The following KDM8 variants were observed in gnomAD, a reference collection of about 807,000 sequenced individuals.
KDM8 encodes lysine demethylase 8, also known as bifunctional peptidase and arginyl-hydroxylase JMJD5.
Under a neutral mutation model 46.9 loss-of-function variants are expected in KDM8, and 35 were observed. That is an observed-to-expected ratio of 0.75 (90% CI 0.57 to 0.99). The LOEUF is 0.99. Among genes scored for constraint, KDM8 ranks in the 50% least tolerant of loss-of-function variants. The pLI is 0.00. For synonymous variants in KDM8, 232 were observed against 227.7 expected, an observed-to-expected ratio of 1.02 and a Z score of -0.17; for missense variants, 475 against 537.0, an observed-to-expected ratio of 0.88 and a Z score of 1.14.
intron 5 of KDM8, among the ~76,000 whole-genome samples, chr16:27,217,114 C>T (rs538777131): frequency 5.8e-4 from 88 of 152,264 alleles, no homozygotes; most frequent in Middle Eastern, 3.4e-3. Context: ...GTGGAGAGGA[C>T]CCTGGAGAAG....
intron 1 of KDM8, among the ~76,000 whole-genome samples, chr16:27,208,115 T>C (rs970943753): frequency 9.9e-5 from 15 of 152,236 alleles, no homozygotes; most frequent in Non-Finnish European, 1.9e-4. Context: ...CAAGAGCAGA[T>C]AGTTTTGTAC....
intron 1 of KDM8, among the ~76,000 whole-genome samples, chr16:27,205,568 G>A (rs918095150): frequency 1.3e-5 from 2 of 152,100 alleles, no homozygotes; most frequent in South Asian, 2.1e-4. Context: ...TGGGCCGGGC[G>A]TGGCGGCTCA....
At chr16:27,206,123 C>A in intron 1 of KDM8, 2 of 512,854 alleles carry the variant, frequency 3.9e-6, no homozygotes, top group Non-Finnish European at 5.0e-6. Flanking sequence ...TTATGTAGAG[C>A]TCTCGAAGGC....
chr16:27,203,865 C>T (rs1405662841), intron 1 of KDM8: 5 of 441,130 alleles, frequency 1.1e-5, no homozygotes, highest in African/African-American at 4.1e-5. Context: ...AGGTTCCGCG[C>T]GTGCGTATGC....
chr16:27,220,767 G>T lies in KDM8; in HGVS notation c.*37G>T. ...GCTGAAAGGGCCTGACATGCAGACA[G>T]CATTCATCTGTTCACTAATTTCCTG... On this transcript the variant is annotated 3_prime_UTR_variant, in exon 8 of 8. Transcript: ENST00000286096. The T allele has an allele frequency of 1.2e-6, 2 of 1,607,952 alleles. No individual in the cohort carries two copies. Among genetic ancestry groups the T allele is most frequent in the South Asian group, 2.2e-5 (2 of 90,932 alleles).
In KDM8 at chr16:27,213,671, C is replaced by G; in HGVS notation, c.585C>G (p.Phe195Leu). 6.2e-7 allele frequency: 1 copy of G among 1,614,186 alleles called. No individual in the cohort carries two copies. The highest frequency in any genetic ancestry group is 8.5e-7 in the Non-Finnish European group (1 of 1,180,024). Reference sequence around the variant, plus strand: ...TGCACCGTCCGTCCCTCCAGCATTTCAGGGAGCAGTTTTTGGTTCCAGGGA... The same window carrying G: ...TGCACCGTCCGTCCCTCCAGCATTTGAGGGAGCAGTTTTTGGTTCCAGGGA... ...PRLHRPSLQH[F>L]REQFLVPGRP... Residue 195 changes from phenylalanine (F) to leucine (L), a missense_variant, in exon 3 of 8, where the codon TTC becomes TTG. Transcript: ENST00000286096.
At chr16:27,204,385 A>G in intron 1 of KDM8, 1 of 1,260,018 alleles carries the variant, frequency 7.9e-7, no homozygotes, top group South Asian at 2.4e-5. Context: ...TGTGCCCCTT[A>G]GAGAGCCAAA....
At position 27,214,944 on chromosome 16, in the gene KDM8, A is replaced by ATGAG; in HGVS notation, c.735_738dup (p.Glu247Ter). 1 of 1,614,216 alleles carries ATGAG rather than the reference A, an allele frequency of 6.2e-7. No homozygotes were observed. Among genetic ancestry groups the ATGAG allele is most frequent in the Non-Finnish European group, 8.5e-7 (1 of 1,180,026 alleles). ...GTGGAAGTTGGTTCGAGGTACACAG[A>ATGAG]TGAGGAATGGTCCCAGACCCTCATG... On this transcript the variant is annotated frameshift_variant, in exon 4 of 8. Transcript: ENST00000286096. LOFTEE classifies it high-confidence loss of function.
intron 1 of KDM8, chr16:27,203,861 C>A: frequency 2.3e-6 from 1 of 440,720 alleles, no homozygotes; most frequent in Non-Finnish European, 4.1e-6. Context: ...GGAAAGGTTC[C>A]GCGCGTGCGT....
intron 1 of KDM8, chr16:27,204,096 A>G (rs2083404444): frequency 6.5e-7 from 1 of 1,547,736 alleles, no homozygotes; most frequent in South Asian, 1.2e-5. Flanking sequence ...CCCAAATATG[A>G]GCCGCGAGAA....
At position 27,210,122 on chromosome 16, in the gene KDM8, C is replaced by T. The variant is rs759040715; in HGVS notation, c.-2C>T. 1.7e-5 allele frequency: 28 copies of T among 1,610,652 alleles called. No individual in the cohort carries two copies. The highest frequency in any genetic ancestry group is 3.3e-5 in the South Asian group (3 of 90,856). ...GGGACTGAACCAGCTGGTGGTGGCC[C>T]GATGGCTGGAGACACCCACTGCCCC... On this transcript the variant is annotated 5_prime_UTR_variant, in exon 2 of 8. Coordinates refer to ENST00000286096, the MANE Select transcript of KDM8 (RefSeq NM_024773.3).
At chr16:27,208,848 C>A (rs1167369127) in intron 1 of KDM8, among the ~76,000 whole-genome samples, 1 of 152,186 alleles carries the variant, frequency 6.6e-6, no homozygotes, top group East Asian at 1.9e-4. Flanking sequence ...ATAGAACCCA[C>A]CCTGGCAGGC....
At position 27,219,020 on chromosome 16, in the gene KDM8, G is replaced by A. The variant is rs549622164; in HGVS notation, c.903G>A (p.Glu301=). Residue 301 remains glutamate (E), a synonymous_variant, in exon 6 of 8, where the codon GAG becomes GAA. Transcript: ENST00000286096. ...IPDYCSLGDG[E]EEEITINAWF... ...ACTACTGCAGCCTGGGCGATGGGGA[G>A]GAGGAGGAAATCACCATCAATGCCT... is the stretch of plus-strand genomic sequence containing the variant. The A allele has an allele frequency of 6.2e-7, 1 of 1,614,028 alleles. No individual in the cohort carries two copies. The highest frequency in any genetic ancestry group is 1.3e-5 in the African/African-American group (1 of 75,020).
At chr16:27,203,943 A>G (rs1024525008) in intron 1 of KDM8, 1 of 586,392 alleles carries the variant, frequency 1.7e-6, no homozygotes, top group Non-Finnish European at 2.9e-6. Context: ...TGTGCGCTTT[A>G]GCGGTTCTTG....
At chr16:27,219,771 C>A (rs1306505972) in intron 6 of KDM8, among the ~76,000 whole-genome samples, 1 of 152,192 alleles carries the variant, frequency 6.6e-6, no homozygotes, top group Admixed American at 6.5e-5. Flanking sequence ...AGTTTCCTCA[C>A]CTGCAAAATG....
At chr16:27,211,115 TTC>T (rs761343368) in intron 2 of KDM8, 162 of 452,068 alleles carry the variant, frequency 3.6e-4, no homozygotes, top group African/African-American at 2.7e-3. Flanking sequence ...TCCATTCATT[TTC>T]TCTCTTTTTT....
intron 5 of KDM8, among the ~76,000 whole-genome samples, chr16:27,216,503 C>T (rs866674055): frequency 2.0e-5 from 3 of 152,144 alleles, no homozygotes; most frequent in Non-Finnish European, 4.4e-5. Flanking sequence ...GGGCCAGGTG[C>T]GTGTCCCGAA....
At chr16:27,209,292 T>C (rs1266453143) in intron 1 of KDM8, among the ~76,000 whole-genome samples, 2 of 152,222 alleles carry the variant, frequency 1.3e-5, no homozygotes, top group South Asian at 2.1e-4. Context: ...GGTGGCATGA[T>C]CTCGGCTTAC....
chr16:27,216,125 G>A (rs1447345754), intron 5 of KDM8, 136 bp downstream of exon 5: 9 of 921,366 alleles, frequency 9.8e-6, no homozygotes, highest in Admixed American at 6.2e-5. Context: ...GTGACAGGAC[G>A]TGGGTGATGA....
Sources: gnomAD v4.1 joint callset for allele counts (sites outside exome capture counted in the v4.1 genomes callset) on GRCh38, gnomAD v4.1.1 for gene constraint, MANE v1.5 for transcripts, NCBI Gene and HGNC (gene_info 2026-07-23, HGNC 2026-07-21) for gene names.